The following ST6GALNAC5 variants were observed in gnomAD, a reference collection of about 807,000 sequenced individuals.
ST6GALNAC5 encodes alpha-N-acetylgalactosaminide alpha-2,6-sialyltransferase 5.
ST6GALNAC5 carries 27 observed loss-of-function variants against 33.6 expected under a neutral mutation model. That is an observed-to-expected ratio of 0.80 (90% CI 0.59 to 1.11). The LOEUF (loss-of-function observed/expected upper bound fraction) is 1.11, where lower values mean the gene tolerates loss of function less well. ST6GALNAC5 is among the 50% of genes least tolerant of loss of function. The pLI is 0.00. For missense variants in ST6GALNAC5, 428 were observed against 454.0 expected (o/e 0.94, Z 0.52); for synonymous variants, 194 against 171.2 (o/e 1.13, Z -1.04).
Position 77,063,442 on chromosome 1 carries a change from G to A in ST6GALNAC5, c.*236G>A, listed in dbSNP as rs1652664687. The A allele has an allele frequency of 3.9e-6, 2 of 518,048 alleles. No homozygotes were observed. Among genetic ancestry groups the A allele is most frequent in the African/African-American group, 1.9e-5 (1 of 52,506 alleles). The allele number at this position is 518,048 out of a possible 1,614,324, so 32.1% of individuals were successfully genotyped here. A position where few individuals can be genotyped will look rare whatever the true frequency, so the allele number is the denominator to read the frequency against. On this transcript the variant is annotated 3_prime_UTR_variant, in exon 5 of 5. Transcript: ENST00000477717. ...CCCCTTCAATGGTGTTACCTTAGGA[G>A]CTGAACATTCAATTCAGTTACACCA... is the stretch of plus-strand genomic sequence containing the variant.
chr1:76,905,860 G>T (rs113684723), intron 2 of ST6GALNAC5, among the ~76,000 whole-genome samples: 3 of 152,126 alleles, frequency 2.0e-5, no homozygotes, highest in East Asian at 3.9e-4. Context: ...TGAGGGAAGG[G>T]AGCAATAAAT....
At chr1:76,946,987 T>TCAAA (rs35241196) in intron 2 of ST6GALNAC5, among the ~76,000 whole-genome samples, 90,163 of 151,428 alleles carry the variant, frequency 0.6, 27,198 homozygotes, top group African/African-American at 0.68. Context: ...TTATTAAAAC[T>TCAAA]CAAACTGTTA....
intron 2 of ST6GALNAC5, among the ~76,000 whole-genome samples, chr1:77,042,542 A>G (rs1651865540): frequency 6.6e-6 from 1 of 152,208 alleles, no homozygotes; most frequent in Admixed American, 6.5e-5. Flanking sequence ...CTAAGTGTTC[A>G]CTGCTGATAT....
At chr1:76,988,287 T>G (rs2100392249) in intron 2 of ST6GALNAC5, among the ~76,000 whole-genome samples, 1 of 152,184 alleles carries the variant, frequency 6.6e-6, no homozygotes, top group East Asian at 1.9e-4. Context: ...CTGTATCACG[T>G]TTTTGATTCT....
At chr1:76,933,678 A>G (rs1033124751) in intron 2 of ST6GALNAC5, among the ~76,000 whole-genome samples, 1 of 151,358 alleles carries the variant, frequency 6.6e-6, no homozygotes, top group Admixed American at 6.6e-5. Flanking sequence ...GTCAGGAGAA[A>G]TAACTATCTT....
chr1:76,876,334 T>C (rs1653638247), intron 2 of ST6GALNAC5, among the ~76,000 whole-genome samples: 1 of 151,534 alleles, frequency 6.6e-6, no homozygotes, highest in Non-Finnish European at 1.5e-5. Context: ...AGCCCATGTG[T>C]AACCTCCATC....
chr1:77,053,160 C>T (rs933676530), intron 4 of ST6GALNAC5, among the ~76,000 whole-genome samples: 5 of 152,162 alleles, frequency 3.3e-5, no homozygotes, highest in Admixed American at 2.6e-4. Flanking sequence ...TAGTCTGCTA[C>T]TCATTTGACC....
chr1:76,939,425 T>C (rs1328953243), intron 2 of ST6GALNAC5, among the ~76,000 whole-genome samples: 1 of 152,170 alleles, frequency 6.6e-6, no homozygotes, highest in East Asian at 1.9e-4. Flanking sequence ...CCACTGTCGA[T>C]GGAAATGCTG....
At chr1:77,001,981 C>T (rs1488840875) in intron 2 of ST6GALNAC5, among the ~76,000 whole-genome samples, 1 of 148,274 alleles carries the variant, frequency 6.7e-6, no homozygotes, top group African/African-American at 2.5e-5. Context: ...CCCGGCTTTG[C>T]TATCAGGATG....
chr1:77,026,727 G>T (rs1207317421), intron 2 of ST6GALNAC5, among the ~76,000 whole-genome samples: 1 of 152,176 alleles, frequency 6.6e-6, no homozygotes, highest in African/African-American at 2.4e-5. Context: ...CTCATTAGCT[G>T]TCTCTGGCAT....
intron 2 of ST6GALNAC5, among the ~76,000 whole-genome samples, chr1:76,939,420 G>T (rs1054909672): frequency 2.0e-5 from 3 of 152,032 alleles, no homozygotes; most frequent in African/African-American, 7.2e-5. Flanking sequence ...AGGACCCACT[G>T]TCGATGGAAA....
At chr1:77,010,316 G>A (rs1362477690) in intron 2 of ST6GALNAC5, among the ~76,000 whole-genome samples, 1 of 152,124 alleles carries the variant, frequency 6.6e-6, no homozygotes, top group Non-Finnish European at 1.5e-5. Context: ...CCAACATGGT[G>A]AAACCCCATC....
chr1:77,041,310 C>T (rs1447977873), intron 2 of ST6GALNAC5, among the ~76,000 whole-genome samples: 1 of 152,198 alleles, frequency 6.6e-6, no homozygotes, highest in African/African-American at 2.4e-5. Flanking sequence ...ACTTACAGCA[C>T]AGTTCTGTCA....
At chr1:76,883,344 C>T (rs1324880098) in intron 2 of ST6GALNAC5, among the ~76,000 whole-genome samples, 1 of 152,098 alleles carries the variant, frequency 6.6e-6, no homozygotes, top group Non-Finnish European at 1.5e-5. Flanking sequence ...TCTTGGTATC[C>T]ACAGAATTGA....
At position 76,924,107 on chromosome 1, in the gene ST6GALNAC5, A is replaced by G. The variant is rs111860302; in HGVS notation, c.261+55365A>G. Among the ~76,000 whole-genome samples the G allele has an allele frequency of 1.0e-3, 156 of 152,146 alleles. 7 individuals carry two copies. Among genetic ancestry groups the G allele is most frequent in the African/African-American group, 3.6e-3 (148 of 41,554 alleles). The stretch of plus-strand genomic sequence containing the variant: ...TGAGAGTGGGTGAGTGTGTGCATCT[A>G]TGTAAGTTGAGGGGTAAGGAAAGGA... On this transcript the variant is annotated intron_variant, in intron 2 of 4. Coordinates refer to ENST00000477717, the MANE Select transcript of ST6GALNAC5 (RefSeq NM_030965.3).
In ST6GALNAC5 at chr1:77,063,063, C is replaced by A. The variant is rs371237652; in HGVS notation, c.868C>A (p.Arg290Ser). Residue 290 changes from arginine (R) to serine (S), a missense_variant, in exon 5 of 5, where the codon CGC (arginine) becomes AGC (serine). Arg to Ser is a moderately radical substitution (Grantham distance 110). Transcript: ENST00000477717. The stretch of plus-strand genomic sequence containing the variant: ...AATGTACCTCTCCCATGAGCGAGGA[C>A]GCAAGGGCAGTCATCACCGCTTTAT... ...CTMYLSHERG[R>S]KGSHHRFITE... 6.2e-7 allele frequency: 1 copy of A among 1,613,878 alleles called. No individual in the cohort carries two copies.
intron 2 of ST6GALNAC5, among the ~76,000 whole-genome samples, chr1:76,977,867 A>G (rs1649075992): frequency 6.6e-6 from 1 of 152,144 alleles, no homozygotes; most frequent in African/African-American, 2.4e-5. Flanking sequence ...ATCATATGAT[A>G]GTTCTATTTT....
At position 76,944,126 on chromosome 1, in the gene ST6GALNAC5, A is replaced by G. The variant is rs145496511; in HGVS notation, c.261+75384A>G. 9.3e-4 allele frequency among the ~76,000 whole-genome samples: 142 copies of G among 152,228 alleles called. 1 individual carries two copies. Among genetic ancestry groups the G allele is most frequent in the Middle Eastern group, 3.4e-3 (1 of 294 alleles). ...CCAATGCAATAGTTTTCATTCTGGTACATGCAAACATGTTTCCTCTAAGGT... is the reference window on the plus strand; with the variant it reads ...CCAATGCAATAGTTTTCATTCTGGTGCATGCAAACATGTTTCCTCTAAGGT... On this transcript the variant is annotated intron_variant, in intron 2 of 4. Coordinates refer to ENST00000477717, the MANE Select transcript of ST6GALNAC5 (RefSeq NM_030965.3).
At chr1:76,869,610 A>G (rs1653451508) in intron 2 of ST6GALNAC5, among the ~76,000 whole-genome samples, 2 of 152,192 alleles carry the variant, frequency 1.3e-5, no homozygotes, top group Non-Finnish European at 2.9e-5. Flanking sequence ...TCTCCCAATT[A>G]TTCTTTTTAT....
Sources: allele counts gnomAD v4.1 joint callset (sites outside exome capture counted in the v4.1 genomes callset), GRCh38; gene constraint gnomAD v4.1.1; transcripts MANE v1.5; gene names NCBI Gene and HGNC (gene_info 2026-07-23, HGNC 2026-07-21).